ADK: variants seen among roughly 807,000 people sequenced by gnomAD.
The protein encoded by ADK is adenosine kinase.
ADK carries 24 observed loss-of-function variants against 44.7 expected under a neutral mutation model. That is an observed-to-expected ratio of 0.54 (90% CI 0.39 to 0.76). The LOEUF is 0.76. Ranked by LOEUF, ADK falls within the 30% of genes least tolerant of loss-of-function variation. The pLI, the probability that ADK is intolerant of heterozygous loss-of-function variation, is 0.00. For synonymous variants in ADK, 128 were observed against 142.6 expected, an observed-to-expected ratio of 0.90 and a Z score of 0.73; for missense variants, 321 against 425.1, an observed-to-expected ratio of 0.76 and a Z score of 2.15.
intron 4 of ADK, chr10:74,371,899 T>C (rs1278656586): frequency 3.4e-6 from 5 of 1,472,144 alleles, no homozygotes; most frequent in African/African-American, 1.4e-5. Flanking sequence ...CCACGGCTTC[T>C]TGTGGTTACT....
At chr10:74,243,585 A>C (rs1845305647) in intron 3 of ADK, among the ~76,000 whole-genome samples, 1 of 152,236 alleles carries the variant, frequency 6.6e-6, no homozygotes, top group Admixed American at 6.5e-5. Flanking sequence ...ACATCGAAAT[A>C]AATCACATTT....
At chr10:74,472,981 A>G (rs967945173) in intron 6 of ADK, among the ~76,000 whole-genome samples, 3 of 151,550 alleles carry the variant, frequency 2.0e-5, no homozygotes, top group East Asian at 3.9e-4. Context: ...TGGGGGGCAG[A>G]TTTTGTTTGT....
At chr10:74,668,784 G>A (rs1855064264) in intron 9 of ADK, among the ~76,000 whole-genome samples, 1 of 152,114 alleles carries the variant, frequency 6.6e-6, no homozygotes, top group African/African-American at 2.4e-5. Context: ...TGTAATCCTA[G>A]CACTTTGGGA....
At chr10:74,379,969 G>A (rs534252827) in intron 4 of ADK, among the ~76,000 whole-genome samples, 2 of 152,260 alleles carry the variant, frequency 1.3e-5, no homozygotes, top group East Asian at 1.9e-4. Context: ...AGGTTACAGT[G>A]AGCTATGATT....
chr10:74,579,360 T>A (rs1851301726), intron 7 of ADK, among the ~76,000 whole-genome samples: 4 of 152,122 alleles, frequency 2.6e-5, no homozygotes, highest in Admixed American at 2.6e-4. Flanking sequence ...ACTTACTGAA[T>A]ATGGCAGGAT....
At chr10:74,342,875 T>C (rs1299575236) in intron 4 of ADK, among the ~76,000 whole-genome samples, 1 of 152,044 alleles carries the variant, frequency 6.6e-6, no homozygotes, top group Non-Finnish European at 1.5e-5. Context: ...TAATATTTTT[T>C]AGTGGGTTCT....
At chr10:74,205,196 T>C (rs1843548888) in intron 2 of ADK, among the ~76,000 whole-genome samples, 1 of 152,182 alleles carries the variant, frequency 6.6e-6, no homozygotes, top group South Asian at 2.1e-4. Flanking sequence ...TCTATCTTTC[T>C]ATTCTATTAA....
chr10:74,290,078 G>GCACA lies in ADK; in HGVS notation c.195-24569_195-24566dup, dbSNP rs1554838780. Among the ~76,000 whole-genome samples, 828 of 149,104 alleles carry GCACA rather than the reference G, an allele frequency of 5.6e-3. 9 individuals are homozygous for GCACA. The highest frequency in any genetic ancestry group is 0.018 in the African/African-American group (737 of 40,490). ...ACTCAAGTCACTAAACTACTCACGC[G>GCACA]CACACACACACACACACACACACTC... On this transcript the variant is annotated intron_variant, in intron 3 of 10. Transcript: ENST00000539909.
At chr10:74,352,890 C>T (rs866575445) in intron 4 of ADK, among the ~76,000 whole-genome samples, 3 of 152,050 alleles carry the variant, frequency 2.0e-5, no homozygotes, top group African/African-American at 7.2e-5. Context: ...GTTAGAATGG[C>T]GATCATTAAA....
At chr10:74,674,937 G>A (rs193006450) in intron 10 of ADK, among the ~76,000 whole-genome samples, 8 of 151,954 alleles carry the variant, frequency 5.3e-5, no homozygotes, top group South Asian at 2.1e-4. Context: ...TTCCACCTTG[G>A]GAATGAATCT....
chr10:74,530,567 T>A (rs973385602), intron 7 of ADK: 5 of 152,036 alleles, frequency 3.3e-5, no homozygotes, highest in African/African-American at 1.2e-4. Context: ...AGACAAGAAA[T>A]AAATAAGATA....
intron 3 of ADK, among the ~76,000 whole-genome samples, chr10:74,245,693 C>A (rs1281990519): frequency 6.6e-6 from 1 of 151,436 alleles, no homozygotes; most frequent in Non-Finnish European, 1.5e-5. Context: ...CAGGTTCAAG[C>A]AATTCTCCTG....
chr10:74,597,121 C>T (rs969469566), intron 8 of ADK, among the ~76,000 whole-genome samples: 8 of 152,136 alleles, frequency 5.3e-5, no homozygotes, highest in Non-Finnish European at 1.0e-4. Flanking sequence ...AGTATGTAAC[C>T]ATTTTAGAGA....
At chr10:74,631,918 T>G (rs1853438936) in intron 9 of ADK, among the ~76,000 whole-genome samples, 1 of 152,150 alleles carries the variant, frequency 6.6e-6, no homozygotes, top group Non-Finnish European at 1.5e-5. Context: ...CCAATCTCAG[T>G]TTTTTACTTA....
chr10:74,426,942 AC>A (rs1299866170), intron 6 of ADK, among the ~76,000 whole-genome samples: 1 of 151,280 alleles, frequency 6.6e-6, no homozygotes, highest in Non-Finnish European at 1.5e-5. Flanking sequence ...CCCTCCCCTA[AC>A]CCCCCAAGCC....
chr10:74,348,017 G>A (rs1007362519), intron 4 of ADK, among the ~76,000 whole-genome samples: 1 of 152,192 alleles, frequency 6.6e-6, no homozygotes, highest in African/African-American at 2.4e-5. Context: ...TTCCTGCCTG[G>A]TGGCTCTGAA....
intron 1 of ADK, among the ~76,000 whole-genome samples, chr10:74,153,708 A>G (rs567446539): frequency 6.6e-6 from 1 of 152,310 alleles, no homozygotes; most frequent in South Asian, 2.1e-4. Context: ...AAAGAAGTGG[A>G]GAAACATTTT....
At chr10:74,547,482 T>C (rs1849873176) in intron 7 of ADK, among the ~76,000 whole-genome samples, 1 of 111,176 alleles carries the variant, frequency 9.0e-6, no homozygotes, top group Admixed American at 9.6e-5. Flanking sequence ...TTTTATTTTA[T>C]TATTTTTTTT....
chr10:74,237,253 C>T (rs1845003337), intron 3 of ADK, among the ~76,000 whole-genome samples: 1 of 152,202 alleles, frequency 6.6e-6, no homozygotes, highest in Non-Finnish European at 1.5e-5. Context: ...GCAGTGTTCA[C>T]AGCATCTTCA....
Sources: gnomAD v4.1 joint callset for allele counts (sites outside exome capture counted in the v4.1 genomes callset) on GRCh38, gnomAD v4.1.1 for gene constraint, MANE v1.5 for transcripts, NCBI Gene and HGNC (gene_info 2026-07-23, HGNC 2026-07-21) for gene names.